FGFR2: variants seen among roughly 807,000 people sequenced by gnomAD.
FGFR2 encodes the protein BEK fibroblast growth factor receptor.
FGFR2 carries 19 observed loss-of-function variants against 95.9 expected under a neutral mutation model. That is an observed-to-expected ratio of 0.20 (90% CI 0.14 to 0.29). The LOEUF is 0.29. Among genes scored for constraint, FGFR2 ranks in the 10% least tolerant of loss-of-function variants. The pLI, the probability that FGFR2 is intolerant of heterozygous loss-of-function variation, is 1.00. For synonymous variants in FGFR2, 392 were observed against 393.3 expected (o/e 1.00, Z 0.04); for missense variants, 707 against 1,056.9 (o/e 0.67, Z 4.59).
intron 7 of FGFR2, among the ~76,000 whole-genome samples, chr10:121,519,228 G>T (rs993267222): frequency 2.0e-5 from 3 of 152,176 alleles, no homozygotes; most frequent in African/African-American, 7.2e-5. Context: ...CATGGGAGGC[G>T]TGGTAGGCAA....
rs375854643 is a variant in FGFR2 at position 121,576,071 on chromosome 10, CAGCTACTA to C, written c.110-10375_110-10368del. ...GCGTGGTGGCACACGCCTGTAATCC[CAGCTACTA>C]AGGAGGGTGAGGCAGGAGAATCGCT... is the stretch of plus-strand genomic sequence containing the variant. On this transcript the variant is annotated intron_variant, in intron 2 of 17. Coordinates refer to ENST00000358487, the MANE Select transcript of FGFR2 (RefSeq NM_000141.5). Among the ~76,000 whole-genome samples, 546 of 152,050 alleles carry C rather than the reference CAGCTACTA, an allele frequency of 3.6e-3. 2 individuals carry two copies. The highest frequency in any genetic ancestry group is 0.012 in the African/African-American group (515 of 41,442).
chr10:121,496,742 GCTCCCTAAAGAGAGAATCCAGGGT>G lies in FGFR2; in HGVS notation c.1673-44_1673-21del. ...GAGGCCCTGTTGAGGAAGAAGAGAA[GCTCCCTAAAGAGAGAATCCAGGGT>G]CTCCCCTTGGGCAATTCAGCAAAAC... On this transcript the variant is annotated intron_variant, in intron 12 of 17. Transcript: ENST00000358487. The G allele has an allele frequency of 6.2e-7, 1 of 1,609,398 alleles. No homozygotes were observed. Among genetic ancestry groups the G allele is most frequent in the Non-Finnish European group, 8.5e-7 (1 of 1,178,080 alleles).
intron 10 of FGFR2, among the ~76,000 whole-genome samples, chr10:121,503,187 G>A (rs1847820706): frequency 6.6e-6 from 1 of 152,206 alleles, no homozygotes; most frequent in South Asian, 2.1e-4. Context: ...GCGAGACCAA[G>A]AGATACGTAG....
intron 13 of FGFR2, among the ~76,000 whole-genome samples, chr10:121,496,042 G>C (rs927100657): frequency 1.3e-5 from 2 of 152,158 alleles, no homozygotes; most frequent in African/African-American, 4.8e-5. Context: ...AATAAACGCA[G>C]AGCTCCAGGA....
At chr10:121,509,952 C>G (rs1589803226) in intron 9 of FGFR2, among the ~76,000 whole-genome samples, 1 of 152,136 alleles carries the variant, frequency 6.6e-6, no homozygotes, top group East Asian at 1.9e-4. Flanking sequence ...GCCAAACAGG[C>G]CCTGTGACTC....
At chr10:121,537,181 A>G (rs1241392400) in intron 6 of FGFR2, among the ~76,000 whole-genome samples, 1 of 152,190 alleles carries the variant, frequency 6.6e-6, no homozygotes, top group Admixed American at 6.5e-5. Flanking sequence ...TCTTTTATGA[A>G]TATCTATAGG....
chr10:121,520,663 G>A (rs1052203964), intron 6 of FGFR2, among the ~76,000 whole-genome samples: 2 of 151,904 alleles, frequency 1.3e-5, no homozygotes, highest in Non-Finnish European at 2.9e-5. Flanking sequence ...TCTTTTCTCA[G>A]ACGGGGTCTC....
chr10:121,505,801 A>T (rs1464666585), intron 9 of FGFR2, among the ~76,000 whole-genome samples: 1 of 152,224 alleles, frequency 6.6e-6, no homozygotes, highest in Admixed American at 6.5e-5. Flanking sequence ...ATTGGTCCAC[A>T]GGAACATCTC....
chr10:121,521,051 A>C (rs916846129), intron 6 of FGFR2, among the ~76,000 whole-genome samples: 1 of 152,116 alleles, frequency 6.6e-6, no homozygotes, highest in African/African-American at 2.4e-5. Flanking sequence ...AATGGGATTC[A>C]CCTCTTTATT....
intron 4 of FGFR2, among the ~76,000 whole-genome samples, chr10:121,554,333 C>CT (rs59481441): frequency 0.015 from 2,159 of 139,856 alleles, 48 homozygotes; most frequent in African/African-American, 0.045. Context: ...GGGAGGAAGT[C>CT]TTTTTTTTTT....
intron 16 of FGFR2, among the ~76,000 whole-genome samples, 162 bp from the exon 17 acceptor site, chr10:121,483,965 T>C (rs1321185342): frequency 6.6e-6 from 1 of 151,834 alleles, no homozygotes; most frequent in African/African-American, 2.4e-5. Context: ...CCCAAAAGCT[T>C]CCCTGCCAGT....
chr10:121,592,953 A>G (rs1006108357), intron 2 of FGFR2, among the ~76,000 whole-genome samples: 6 of 152,216 alleles, frequency 3.9e-5, no homozygotes, highest in Non-Finnish European at 8.8e-5. Context: ...GTTGTCTCCA[A>G]AGGGCTGGGA....
chr10:121,518,542 C>T lies in FGFR2; in HGVS notation c.940-1079G>A, dbSNP rs1413067097. 24 of 946,458 alleles carry T rather than the reference C, an allele frequency of 2.5e-5. No individual in the cohort carries two copies. The highest frequency in any genetic ancestry group is 1.0e-4 in the Admixed American group (4 of 39,330). 58.6% of individuals were successfully genotyped at this position (946,458 alleles called of 1,614,324 possible). ...ACTGGCATCATACCAGCTGCATCAC[C>T]GAAGAAAGATTATTATAAATATACC... On this transcript the variant is annotated intron_variant, in intron 7 of 17. Coordinates refer to ENST00000358487, the MANE Select transcript of FGFR2 (RefSeq NM_000141.5). The surrounding 1 kb of genome is among the most constrained non-coding windows in gnomAD (Gnocchi z 4.0).
At chr10:121,569,224 C>A (rs112886918) in intron 2 of FGFR2, among the ~76,000 whole-genome samples, 3 of 83,818 alleles carry the variant, frequency 3.6e-5, no homozygotes, top group Admixed American at 2.5e-4. Flanking sequence ...CTTTTCTTTT[C>A]TTTTTTTTTT....
At chr10:121,554,505 A>ATTT (rs11334001) in intron 4 of FGFR2, among the ~76,000 whole-genome samples, 1 of 121,960 alleles carries the variant, frequency 8.2e-6, no homozygotes. Context: ...TGCCCGGCTA[A>ATTT]TTTTTTTTTT....
At chr10:121,571,028 G>A (rs537970683) in intron 2 of FGFR2, among the ~76,000 whole-genome samples, 7 of 150,442 alleles carry the variant, frequency 4.7e-5, no homozygotes, top group South Asian at 2.1e-4. Context: ...TGGCTTTGTC[G>A]CCCAGGCTGG....
Position 121,503,872 on chromosome 10 carries a change from A to T in FGFR2, c.1357T>A (p.Ser453Thr), listed in dbSNP as rs2134060209. The change falls in exon 10 of 18, where the codon TCA (serine) becomes ACA (threonine). Residue 453 changes from serine (S) to threonine (T), a missense_variant. Coordinates refer to ENST00000358487, the MANE Select transcript of FGFR2 (RefSeq NM_000141.5). ...GCCAGCATGGGGGTGTCTGCCGTTGAAGAGAGGCGTGTTGTTATCCTCACC... is the reference window on the plus strand; with the variant it reads ...GCCAGCATGGGGGTGTCTGCCGTTGTAGAGAGGCGTGTTGTTATCCTCACC... ...PLVRITTRLS[S>T]TADTPMLAGV... 6.2e-7 allele frequency: 1 copy of T among 1,614,114 alleles called. No homozygotes were observed.
At chr10:121,504,916 C>A (rs1848083721) in intron 9 of FGFR2, among the ~76,000 whole-genome samples, 1 of 152,210 alleles carries the variant, frequency 6.6e-6, no homozygotes, top group African/African-American at 2.4e-5. Context: ...GCTGCTTGAA[C>A]ACTGTCTTAT....
chr10:121,591,876 C>T (rs1693229815), intron 2 of FGFR2, among the ~76,000 whole-genome samples: 1 of 152,204 alleles, frequency 6.6e-6, no homozygotes, highest in Non-Finnish European at 1.5e-5. Context: ...GATGTAAATT[C>T]TTACACAAAG....
Sources: gnomAD v4.1 joint callset for allele counts (sites outside exome capture counted in the v4.1 genomes callset) on GRCh38, gnomAD v4.1.1 for gene constraint, Gnocchi (gnomAD v3.1) non-coding constraint, MANE v1.5 for transcripts, NCBI Gene and HGNC (gene_info 2026-07-23, HGNC 2026-07-21) for gene names.